Variants in SPOCK3 observed in about 807,000 individuals in gnomAD.
SPOCK3 encodes the protein testican-3.
A neutral mutation model predicts 56.6 loss-of-function variants in SPOCK3; 30 were observed. The observed-to-expected ratio is 0.53, with a 90% CI of 0.40 to 0.72. The LOEUF (loss-of-function observed/expected upper bound fraction) is 0.72, where lower values mean the gene tolerates loss of function less well. SPOCK3 is among the 30% of genes least tolerant of loss of function. The pLI is 0.00. For synonymous variants in SPOCK3, 196 were observed against 183.3 expected, an observed-to-expected ratio of 1.07 and a Z score of -0.56; for missense variants, 527 against 530.0, an observed-to-expected ratio of 0.99 and a Z score of 0.06.
intron 2 of SPOCK3, among the ~76,000 whole-genome samples, chr4:167,096,337 G>T (rs552788611): frequency 2.0e-5 from 3 of 152,004 alleles, no homozygotes; most frequent in East Asian, 1.9e-4. Context: ...TTTTTCTAAG[G>T]TGTAAACTTA....
intron 2 of SPOCK3, among the ~76,000 whole-genome samples, chr4:167,181,809 T>C (rs1242820383): frequency 6.6e-6 from 1 of 152,196 alleles, no homozygotes; most frequent in East Asian, 1.9e-4. Flanking sequence ...GAAGACATGT[T>C]TGCTTCTTCT....
At chr4:167,195,087 C>T (rs1371896751) in intron 2 of SPOCK3, among the ~76,000 whole-genome samples, 1 of 152,070 alleles carries the variant, frequency 6.6e-6, no homozygotes, top group Non-Finnish European at 1.5e-5. Flanking sequence ...GGCAGTACTG[C>T]CCCAGAGCAT....
At position 166,950,109 on chromosome 4, in the gene SPOCK3, C is replaced by T. The variant is rs1381839502; in HGVS notation, c.351-37366G>A. Among the ~76,000 whole-genome samples, 3 of 151,132 alleles carry T rather than the reference C, an allele frequency of 2.0e-5. No individual in the cohort carries two copies. In the East Asian group the frequency reaches 5.8e-4, roughly 29 times the overall value. On this transcript the variant is annotated intron_variant, in intron 4 of 10. Coordinates refer to ENST00000357545, the MANE Select transcript of SPOCK3 (RefSeq NM_001040159.2). The stretch of plus-strand genomic sequence containing the variant: ...AATATTAATTTTAAATGTAAATGGA[C>T]TAAATGCTCCAATTAAAAGACACAG...
intron 2 of SPOCK3, among the ~76,000 whole-genome samples, chr4:167,156,539 C>T (rs554389578): frequency 2.4e-4 from 37 of 152,088 alleles, no homozygotes; most frequent in Admixed American, 5.9e-4. Context: ...TAAACAACAG[C>T]TACTCCATGG....
chr4:167,214,374 G>C (rs1193652197), intron 2 of SPOCK3, among the ~76,000 whole-genome samples: 3 of 151,938 alleles, frequency 2.0e-5, no homozygotes, highest in Non-Finnish European at 1.5e-5. Flanking sequence ...CTCCAGAGTT[G>C]AATGCATAAC....
chr4:166,754,820 A>G (rs1253178617), intron 7 of SPOCK3, 91 bp from the exon 8 acceptor site: 13 of 1,141,746 alleles, frequency 1.1e-5, no homozygotes, highest in Non-Finnish European at 1.5e-5. Flanking sequence ...TAGCTAGTGT[A>G]GGACATCTAA....
At chr4:167,057,013 A>C (rs1018745679) in intron 3 of SPOCK3, among the ~76,000 whole-genome samples, 24 of 152,200 alleles carry the variant, frequency 1.6e-4, no homozygotes, top group Non-Finnish European at 2.9e-4. Flanking sequence ...AATGAAGGAA[A>C]AAATGTTAAG....
At chr4:166,751,371 G>C (rs749354229) in intron 8 of SPOCK3, among the ~76,000 whole-genome samples, 1 of 152,012 alleles carries the variant, frequency 6.6e-6, no homozygotes, top group Non-Finnish European at 1.5e-5. Context: ...CTAGTTATTG[G>C]AAAAGGACTT....
rs1041625134 is a variant in SPOCK3 at position 166,734,943 on chromosome 4, T to C, written c.1280A>G (p.Asp427Gly). Residue 427 changes from aspartate (D) to glycine (G), a missense_variant, in exon 11 of 11, where the codon GAT becomes GGT. Transcript: ENST00000357545. ...CAATCAAATGTATACATCATGGTCA[T>C]CACCACCATCATCATCATCCCCTTC... ...EDEGDDDDGG[D>G]DHDVYI 1.3e-6 allele frequency: 2 copies of C among 1,550,238 alleles called. No homozygotes were observed. Among genetic ancestry groups the C allele is most frequent in the Non-Finnish European group, 1.8e-6 (2 of 1,124,880 alleles).
intron 3 of SPOCK3, among the ~76,000 whole-genome samples, chr4:167,041,986 T>C (rs1014063507): frequency 6.6e-6 from 1 of 152,176 alleles, no homozygotes; most frequent in Non-Finnish European, 1.5e-5. Flanking sequence ...CATTAAACAA[T>C]TTCATGTTTA....
chr4:166,928,845 G>A (rs748017068), intron 4 of SPOCK3, among the ~76,000 whole-genome samples: 9 of 152,022 alleles, frequency 5.9e-5, no homozygotes, highest in Non-Finnish European at 1.0e-4. Flanking sequence ...GTGGGTGCCC[G>A]AAATCCCAGC....
At chr4:167,039,336 GAGGTTA>G (rs1753048313) in intron 3 of SPOCK3, among the ~76,000 whole-genome samples, 1 of 152,130 alleles carries the variant, frequency 6.6e-6, no homozygotes, top group Admixed American at 6.6e-5. Context: ...ATAAGCACAG[GAGGTTA>G]AGACTTATGT....
intron 2 of SPOCK3, among the ~76,000 whole-genome samples, chr4:167,162,713 G>A (rs892941024): frequency 6.6e-6 from 1 of 151,986 alleles, no homozygotes; most frequent in African/African-American, 2.4e-5. Flanking sequence ...GCATAATTCT[G>A]CCTCCCCTAT....
intron 2 of SPOCK3, among the ~76,000 whole-genome samples, chr4:167,072,323 T>G (rs1208279966): frequency 6.6e-6 from 1 of 152,016 alleles, no homozygotes; most frequent in Admixed American, 6.6e-5. Flanking sequence ...AAAGTTTTAT[T>G]AGCCACACCC....
Position 167,111,526 on chromosome 4 carries a change from T to G in SPOCK3, c.190-48989A>C, listed in dbSNP as rs114677498. On this transcript the variant is annotated intron_variant, in intron 2 of 10. Transcript: ENST00000357545. ...TTTTTAAAATAACAATTAAAAATTT[T>G]TAGGACTAATTTCTAACCAGATACT... Among the ~76,000 whole-genome samples the G allele has an allele frequency of 9.0e-3, 1,363 of 152,270 alleles. 10 individuals are homozygous for G. Among genetic ancestry groups the G allele is most frequent in the Non-Finnish European group, 0.014 (954 of 68,004 alleles).
At chr4:167,168,275 A>G (rs1356437028) in intron 2 of SPOCK3, among the ~76,000 whole-genome samples, 1 of 152,192 alleles carries the variant, frequency 6.6e-6, no homozygotes, top group Admixed American at 6.6e-5. Context: ...GAACTGGGTA[A>G]CAGGCAGAAG....
At chr4:166,739,304 G>A (rs565936570) in intron 9 of SPOCK3, among the ~76,000 whole-genome samples, 40 of 152,064 alleles carry the variant, frequency 2.6e-4, no homozygotes, top group African/African-American at 8.9e-4. Context: ...GCAGTGGGGC[G>A]ATCTCGGCTC....
chr4:167,053,952 T>C (rs1156860530), intron 3 of SPOCK3, among the ~76,000 whole-genome samples: 1 of 152,138 alleles, frequency 6.6e-6, no homozygotes, highest in East Asian at 1.9e-4. Context: ...TGGATCTCTG[T>C]ATATTGATCT....
chr4:167,148,414 A>T (rs981870326), intron 2 of SPOCK3, among the ~76,000 whole-genome samples: 3 of 152,006 alleles, frequency 2.0e-5, no homozygotes, highest in African/African-American at 7.2e-5. Context: ...AGAAATAAAG[A>T]CTCTCAGAGT....
Sources: gnomAD v4.1 joint callset for allele counts (sites outside exome capture counted in the v4.1 genomes callset) on GRCh38, gnomAD v4.1.1 for gene constraint, MANE v1.5 for transcripts, NCBI Gene and HGNC (gene_info 2026-07-23, HGNC 2026-07-21) for gene names.